BOC: variants seen among roughly 807,000 people sequenced by gnomAD.
The protein encoded by BOC is brother of CDO.
Under a neutral mutation model 112.0 loss-of-function variants are expected in BOC, and 76 were observed. The observed-to-expected ratio is 0.68, with a 90% confidence interval of 0.56 to 0.82. The LOEUF is 0.82. Ranked by LOEUF, BOC falls within the 40% of genes least tolerant of loss-of-function variation. The pLI, the probability that BOC is intolerant of heterozygous loss-of-function variation, is 0.00. For missense variants in BOC, 1,309 were observed against 1,511.7 expected (o/e 0.87, Z 2.22); for synonymous variants, 580 against 599.8 (o/e 0.97, Z 0.48).
chr3:113,227,166 T>C (rs1457275076), intron 2 of BOC, among the ~76,000 whole-genome samples: 1 of 152,250 alleles, frequency 6.6e-6, no homozygotes, highest in Non-Finnish European at 1.5e-5. Context: ...AGAACCCATA[T>C]TCTTGGAGAA....
intron 15 of BOC, 147 bp from the exon 16 acceptor site, chr3:113,283,264 C>A: frequency 3.9e-6 from 3 of 772,460 alleles, no homozygotes; most frequent in South Asian, 1.8e-5. Context: ...AGTGTGGACA[C>A]CATTCAAATA....
Position 113,262,781 on chromosome 3 carries a change from AC to A in BOC, c.377-5517del, listed in dbSNP as rs751230009. ...ATGCCAAGCTATGGTCCCTCAAGTG[AC>A]TTGGGGGTTGAGAATTGTGTTGGGA... On this transcript the variant is annotated intron_variant, in intron 4 of 19. Transcript: ENST00000682979. Among the ~76,000 whole-genome samples the A allele has an allele frequency of 2.0e-5, 3 of 152,292 alleles. No homozygotes were observed. In the South Asian group the frequency reaches 6.2e-4, roughly 32 times the overall value.
rs115363493 is a variant in BOC, at chr3:113,281,219, C to T, written c.2434+66C>T. On this transcript the variant is annotated intron_variant, in intron 15 of 19. Transcript: ENST00000682979. Reference sequence around the variant, plus strand: ...AGCGAGGGAAGGCAGAGTCACCATTCCCTGTGCCTGTGCGGTGCTGGGCCT... The same window carrying T: ...AGCGAGGGAAGGCAGAGTCACCATTTCCTGTGCCTGTGCGGTGCTGGGCCT... The T allele has an allele frequency of 1.1e-3, 1,689 of 1,586,490 alleles. 11 individuals are homozygous for T. In the African/African-American group the frequency reaches 0.019, roughly 18 times the overall value.
intron 2 of BOC, among the ~76,000 whole-genome samples, chr3:113,228,563 C>T (rs766938516): frequency 1.7e-4 from 26 of 152,246 alleles, no homozygotes; most frequent in Non-Finnish European, 2.5e-4. Flanking sequence ...GCCTGCACTA[C>T]CAGGCCCCAT....
rs1053597876 is a variant in BOC, at chr3:113,255,635, G to A, written c.376+4802G>A. Among the ~76,000 whole-genome samples the A allele has an allele frequency of 3.3e-5, 5 of 152,076 alleles. No individual in the cohort carries two copies. The South Asian group carries it at 6.2e-4, about 19-fold the overall frequency. ...TAATGTGAAGTCTTAAGCTGCAGCC[G>A]GTATAATTGAGAACAGATCGGTCAC... On this transcript the variant is annotated intron_variant, in intron 4 of 19. Transcript: ENST00000682979.
chr3:113,250,247 T>C (rs1411801192), intron 3 of BOC, among the ~76,000 whole-genome samples: 2 of 152,218 alleles, frequency 1.3e-5, no homozygotes, highest in African/African-American at 4.8e-5. Context: ...TAGCTTCATT[T>C]TACAGGTAAG....
chr3:113,220,714 G>T (rs1317195216), intron 2 of BOC, among the ~76,000 whole-genome samples: 2 of 152,210 alleles, frequency 1.3e-5, no homozygotes, highest in Non-Finnish European at 2.9e-5. Flanking sequence ...TTTTGGTCGT[G>T]TTGTCAGAGA....
Position 113,267,797 on chromosome 3 carries a change from G to A in BOC, c.377-502G>A, listed in dbSNP as rs138547364. On this transcript the variant is annotated intron_variant, in intron 4 of 19. Coordinates refer to ENST00000682979, the MANE Select transcript of BOC (RefSeq NM_001378074.1). Reference sequence around the variant, plus strand: ...GGCCAGCGTGCAGTGGCGCGATCTCGGCTCACTGCAAGCTCTGCCTCCTGG... The same window carrying A: ...GGCCAGCGTGCAGTGGCGCGATCTCAGCTCACTGCAAGCTCTGCCTCCTGG... 6.8e-3 allele frequency among the ~76,000 whole-genome samples: 1,030 copies of A among 152,218 alleles called. 6 individuals carry two copies. Among genetic ancestry groups the A allele is most frequent in the South Asian group, 0.031 (147 of 4,816 alleles).
rs560231770 is a variant in BOC at position 113,224,949 on chromosome 3, C to T, written c.-82+8675C>T. Among the ~76,000 whole-genome samples, 132 of 151,718 alleles carry T rather than the reference C, an allele frequency of 8.7e-4. 1 individual carries two copies. Among genetic ancestry groups the T allele is most frequent in the South Asian group, 3.3e-3 (16 of 4,810 alleles). ...GAAATTAGCTGGGTATGGTGGTGGG[C>T]GCCTGTAGTCCCAGCTACTCGGGAG... On this transcript the variant is annotated intron_variant, in intron 2 of 19. Coordinates refer to ENST00000682979, the MANE Select transcript of BOC (RefSeq NM_001378074.1).
intron 2 of BOC, among the ~76,000 whole-genome samples, chr3:113,236,555 C>T (rs958110322): frequency 6.6e-6 from 1 of 151,648 alleles, no homozygotes; most frequent in African/African-American, 2.4e-5. Context: ...GAGAAATTAC[C>T]TAATGGGTAC....
At chr3:113,252,442 G>A (rs1420269625) in intron 4 of BOC, among the ~76,000 whole-genome samples, 1 of 152,106 alleles carries the variant, frequency 6.6e-6, no homozygotes, top group Non-Finnish European at 1.5e-5. Flanking sequence ...CTAAGGCAGC[G>A]AACTTTTGAA....
chr3:113,279,294 C>G lies in BOC; in HGVS notation c.1862C>G (p.Thr621Ser). ...CCCACCATCTCCACGGCCTCCGAGACCTCAGTGTACGTGACCTGGATTCCC... is the reference window on the plus strand; with the variant it reads ...CCCACCATCTCCACGGCCTCCGAGAGCTCAGTGTACGTGACCTGGATTCCC... The part of the protein sequence containing the change: ...DRPTISTASE[T>S]SVYVTWIPRG... Residue 621 changes from threonine (T) to serine (S), a missense_variant, in exon 12 of 20, where the codon ACC (threonine) becomes AGC (serine). By Grantham distance (58) the Thr-to-Ser change is moderately conservative. Transcript: ENST00000682979. The G allele has an allele frequency of 2.5e-6, 4 of 1,614,182 alleles. No homozygotes were observed. Among genetic ancestry groups the G allele is most frequent in the Non-Finnish European group, 2.5e-6 (3 of 1,180,024 alleles).
Position 113,265,040 on chromosome 3 carries a change from C to T in BOC, c.377-3259C>T, listed in dbSNP as rs571405101. On this transcript the variant is annotated intron_variant, in intron 4 of 19. Coordinates refer to ENST00000682979, the MANE Select transcript of BOC (RefSeq NM_001378074.1). ...CTGACCAGTGCCCAGCTTCATGCTCCCCCACTGCACAGCCTTCTGTCTCCA... is the reference window on the plus strand; with the variant it reads ...CTGACCAGTGCCCAGCTTCATGCTCTCCCACTGCACAGCCTTCTGTCTCCA... Among the ~76,000 whole-genome samples, 8 of 152,302 alleles carry T rather than the reference C, an allele frequency of 5.3e-5. No individual in the cohort carries two copies. The South Asian group carries it at 1.7e-3, about 32-fold the overall frequency.
At position 113,274,993 on chromosome 3, in the gene BOC, A is replaced by G. The variant is rs1238722056; in HGVS notation, c.1542+311A>G. Among the ~76,000 whole-genome samples the G allele has an allele frequency of 6.6e-6, 1 of 152,184 alleles. No individual in the cohort carries two copies. The highest frequency in any genetic ancestry group is 6.5e-5 in the Admixed American group (1 of 15,284). On this transcript the variant is annotated intron_variant, in intron 9 of 19. Transcript: ENST00000682979. The surrounding 1 kb of genome is among the most constrained non-coding windows in gnomAD (Gnocchi z 4.8). Reference sequence around the variant, plus strand: ...TCTAGTCCCTGAGGAGACCGTGAACAGTCTCCCTGGTAACCATCACCCTCC... The same window carrying G: ...TCTAGTCCCTGAGGAGACCGTGAACGGTCTCCCTGGTAACCATCACCCTCC...
At position 113,249,776 on chromosome 3, in the gene BOC, G is replaced by C. The variant is rs745927380; in HGVS notation, c.-27G>C. 1.3e-6 allele frequency: 2 copies of C among 1,590,300 alleles called. No homozygotes were observed. The highest frequency in any genetic ancestry group is 1.8e-5 in the Admixed American group (1 of 54,392). On this transcript the variant is annotated 5_prime_UTR_variant, in exon 3 of 20. Transcript: ENST00000682979. ...GTGTGACCCTGGCGGCTTATGGGAC[G>C]TTGGCTTCAGACCTTTGTGATACAC... is the stretch of plus-strand genomic sequence containing the variant.
Position 113,286,900 on chromosome 3 carries a change from T to TTTC in BOC, c.*40_*41insCTT. 6.7e-7 allele frequency: 1 copy of TTTC among 1,490,592 alleles called. No individual in the cohort carries two copies. The highest frequency in any genetic ancestry group is 1.4e-5 in the African/African-American group (1 of 69,074). 92.3% of individuals were successfully genotyped at this position (1,490,592 alleles called of 1,614,324 possible). On this transcript the variant is annotated 3_prime_UTR_variant, in exon 20 of 20. Transcript: ENST00000682979. The stretch of plus-strand genomic sequence containing the variant: ...ATCCCAGAAAGACTATATATTGTTT[T>TTTC]TTTTTTAAAAAAAAAAAGAAGAAAA...
intron 14 of BOC, 46 bp downstream of exon 14, chr3:113,280,709 C>T (rs1949110716): frequency 6.9e-7 from 1 of 1,456,430 alleles, no homozygotes; most frequent in South Asian, 1.1e-5. Flanking sequence ...ATATAGTTTC[C>T]TCCGCTGGCA....
chr3:113,226,383 C>A (rs750904742), intron 2 of BOC, among the ~76,000 whole-genome samples: 5 of 152,168 alleles, frequency 3.3e-5, no homozygotes, highest in Non-Finnish European at 5.9e-5. Context: ...TTCTCTAGTA[C>A]TTTCTCTCCA....
At chr3:113,285,330 C>T in intron 18 of BOC, 42 bp from the exon 19 acceptor site, 6 of 1,598,326 alleles carry the variant, frequency 3.8e-6, no homozygotes, top group Non-Finnish European at 5.1e-6. Flanking sequence ...ACAGGCCCAC[C>T]CTGCCCAGCC....
Sources: gnomAD v4.1 joint callset for allele counts (sites outside exome capture counted in the v4.1 genomes callset) on GRCh38, gnomAD v4.1.1 for gene constraint, Gnocchi (gnomAD v3.1) non-coding constraint, MANE v1.5 for transcripts, NCBI Gene and HGNC (gene_info 2026-07-23, HGNC 2026-07-21) for gene names.